CHD5: variants seen among roughly 807,000 people sequenced by gnomAD.
CHD5 encodes ATP-dependent chromatin remodeler CHD5.
CHD5 carries 69 observed loss-of-function variants against 230.3 expected under a neutral mutation model. The observed-to-expected ratio is 0.30, with a 90% CI of 0.25 to 0.37. CHD5 has a LOEUF of 0.37. Among genes scored for constraint, CHD5 ranks in the 10% least tolerant of loss-of-function variants. The pLI, the probability that CHD5 is intolerant of heterozygous loss-of-function variation, is 1.00. For synonymous variants in CHD5, 1,064 were observed against 1,065.9 expected (o/e 1.00, Z 0.03); for missense variants, 1,827 against 2,622.8 (o/e 0.70, Z 6.63).
chr1:6,148,702 A>C, intron 9 of CHD5, 152 bp downstream of exon 9: 1 of 556,984 alleles, frequency 1.8e-6, no homozygotes, highest in Non-Finnish European at 3.0e-6. Context: ...GGTCTCGAGC[A>C]GCGCGGGCGA....
Position 6,125,742 on chromosome 1 carries a change from C to G in CHD5, c.4171+24G>C. On this transcript the variant is annotated intron_variant, in intron 27 of 41. Transcript: ENST00000262450. The surrounding 1 kb of genome is among the most constrained non-coding windows in gnomAD (Gnocchi z 6.7). ...CCCTGACATGGCCTCAGCAGTAGCC[C>G]AGACCACTAACACTGAGACTCACTC... 6.2e-7 allele frequency: 1 copy of G among 1,600,756 alleles called. No homozygotes were observed. Among genetic ancestry groups the G allele is most frequent in the South Asian group, 1.1e-5 (1 of 90,792 alleles).
rs1366086680 is a variant in CHD5, at chr1:6,112,955, C to A, written c.4956G>T (p.Glu1652Asp). The A allele has an allele frequency of 6.2e-7, 1 of 1,613,942 alleles. No homozygotes were observed. Among genetic ancestry groups the A allele is most frequent in the Non-Finnish European group, 8.5e-7 (1 of 1,179,962 alleles). ...PEKEKILDKLELSLIHSRGDS... is the reference protein window; with the variant it reads ...PEKEKILDKLDLSLIHSRGDS... ...CCCCTCTGCTGTGGATCAAGCTCAGCTCCAGCTTGTCCAGGATCTTCTCCT... is the reference window on the plus strand; with the variant it reads ...CCCCTCTGCTGTGGATCAAGCTCAGATCCAGCTTGTCCAGGATCTTCTCCT... The change falls in exon 34 of 42, where the codon GAG becomes GAT. Residue 1652 changes from glutamate (E) to aspartate (D), a missense_variant. By Grantham distance (45) the Glu-to-Asp change is conservative. Around this residue, in one of 14 missense-constraint regions of CHD5, gnomAD observed 272 missense variants for 263.2 expected, o/e 1.03. Transcript: ENST00000262450.
intron 35 of CHD5, 57 bp from the exon 36 acceptor site, chr1:6,111,940 C>A: frequency 6.5e-7 from 1 of 1,535,384 alleles, no homozygotes; most frequent in Non-Finnish European, 9.0e-7. Flanking sequence ...CACGCACAGG[C>A]AGGCTTGGAG....
chr1:6,127,548 C>A (rs1296900301), intron 25 of CHD5, among the ~76,000 whole-genome samples: 1 of 150,928 alleles, frequency 6.6e-6, no homozygotes, highest in African/African-American at 2.4e-5. Flanking sequence ...GGTGCAGGGC[C>A]GAGATGCAGG....
chr1:6,127,303 A>G (rs1352795654), intron 25 of CHD5: 2 of 156,604 alleles, frequency 1.3e-5, no homozygotes, highest in Non-Finnish European at 2.8e-5. Flanking sequence ...CCTGGCCAAC[A>G]TGGCAAAGTC....
rs575897929 is a variant in CHD5, at chr1:6,154,100, C to T, written c.745+560G>A. ...GCCTCCCTGGGAAGCGAGACCTGGC[C>T]GTGCCCAGTCCCTCCAACTCCTGCC... On this transcript the variant is annotated intron_variant, in intron 5 of 41. Transcript: ENST00000262450. This position sits in a 1 kb window ranked among gnomAD's most constrained non-coding sequence, Gnocchi z 7.0. 9.9e-5 allele frequency among the ~76,000 whole-genome samples: 15 copies of T among 152,272 alleles called. No homozygotes were observed. In the East Asian group the frequency reaches 1.7e-3, roughly 18 times the overall value.
At position 6,104,996 on chromosome 1, in the gene CHD5, TC is replaced by T; in HGVS notation, c.*477del. 1 of 201,386 alleles carries T rather than the reference TC, an allele frequency of 5.0e-6. No individual in the cohort carries two copies. The highest frequency in any genetic ancestry group is 1.0e-5 in the Non-Finnish European group (1 of 98,092). 12.5% of individuals were successfully genotyped at this position (201,386 alleles called of 1,614,324 possible). A position where few individuals can be genotyped will look rare whatever the true frequency, so the allele number is the denominator to read the frequency against. ...TCCTAGGGCACCGGGCGCCATGTCC[TC>T]CCCAGCTGGGCTGAGTCCACAGGGC... On this transcript the variant is annotated 3_prime_UTR_variant, in exon 42 of 42. Coordinates refer to ENST00000262450, the MANE Select transcript of CHD5 (RefSeq NM_015557.3).
At chr1:6,159,600 C>A in intron 2 of CHD5, 85 bp from the exon 3 acceptor site, 1 of 1,138,138 alleles carries the variant, frequency 8.8e-7, no homozygotes, top group East Asian at 2.6e-5. Flanking sequence ...TGAGAGCTAC[C>A]TCCTGGCCCA....
intron 1 of CHD5, among the ~76,000 whole-genome samples, chr1:6,174,609 C>A (rs574020134): frequency 5.4e-5 from 6 of 111,274 alleles, no homozygotes; most frequent in South Asian, 3.1e-4. Flanking sequence ...GGTGGATGGA[C>A]GAATGGATGG....
intron 7 of CHD5, 29 bp downstream of exon 7, chr1:6,151,003 C>A: frequency 1.3e-6 from 2 of 1,505,850 alleles, no homozygotes; most frequent in Non-Finnish European, 1.8e-6. Flanking sequence ...ACCCAGCAGG[C>A]CAAGAACTCT....
chr1:6,156,038 C>T (rs1208422782), intron 3 of CHD5, among the ~76,000 whole-genome samples: 1 of 152,218 alleles, frequency 6.6e-6, no homozygotes, highest in East Asian at 1.9e-4. Context: ...GGCAAGGAGA[C>T]TGGATGCCTG....
At position 6,122,633 on chromosome 1, in the gene CHD5, A is replaced by G. The variant is rs1172359999; in HGVS notation, c.4700-1060T>C. Among the ~76,000 whole-genome samples, 8 of 152,224 alleles carry G rather than the reference A, an allele frequency of 5.3e-5. No homozygotes were observed. The East Asian group carries it at 1.5e-3, about 29-fold the overall frequency. On this transcript the variant is annotated intron_variant, in intron 31 of 41. Coordinates refer to ENST00000262450, the MANE Select transcript of CHD5 (RefSeq NM_015557.3). ...CACGGCCCAGCAATTCCATTCCTAG[A>G]TATCTGCCCAAAAGAACTCAAAACG...
chr1:6,141,149 C>A (rs772083214), intron 15 of CHD5, among the ~76,000 whole-genome samples: 6 of 150,592 alleles, frequency 4.0e-5, no homozygotes, highest in Admixed American at 1.3e-4. Flanking sequence ...CTGGGCATTG[C>A]GGCATGTGCC....
At chr1:6,107,431 G>A (rs868689911) in intron 38 of CHD5, among the ~76,000 whole-genome samples, 55 of 126,458 alleles carry the variant, frequency 4.3e-4, no homozygotes, top group South Asian at 1.9e-3. Flanking sequence ...AGGGATGATG[G>A]AGGAATGAAG....
rs1208608080 is a variant in CHD5 at position 6,154,217 on chromosome 1, C to T, written c.745+443G>A. ...AACAACCCTGCACACAGTGGGTATG[C>T]AGACAAGAAGAAGAGACGGGCTCGA... On this transcript the variant is annotated intron_variant, in intron 5 of 41. Transcript: ENST00000262450. This position sits in a 1 kb window ranked among gnomAD's most constrained non-coding sequence, Gnocchi z 7.0. Among the ~76,000 whole-genome samples the T allele has an allele frequency of 6.6e-6, 1 of 152,136 alleles. No individual in the cohort carries two copies. Among genetic ancestry groups the T allele is most frequent in the Non-Finnish European group, 1.5e-5 (1 of 68,022 alleles).
rs202183800 is a variant in CHD5, at chr1:6,123,933, G to A, written c.4699+15C>T. ...ATGACCCCAGTGCCCTCCCCGGCCCGCCCAGCCCACAGACCTGGCAGGCCC... is the reference window on the plus strand; with the variant it reads ...ATGACCCCAGTGCCCTCCCCGGCCCACCCAGCCCACAGACCTGGCAGGCCC... On this transcript the variant is annotated intron_variant, in intron 31 of 41. Coordinates refer to ENST00000262450, the MANE Select transcript of CHD5 (RefSeq NM_015557.3). The A allele has an allele frequency of 4.1e-5, 59 of 1,447,114 alleles. No individual in the cohort carries two copies. Among genetic ancestry groups the A allele is most frequent in the Middle Eastern group, 4.9e-4 (2 of 4,104 alleles). 89.6% of individuals were successfully genotyped at this position (1,447,114 alleles called of 1,614,324 possible).
chr1:6,128,391 C>T lies in CHD5; in HGVS notation c.3730+108G>A. On this transcript the variant is annotated intron_variant, in intron 24 of 41. Transcript: ENST00000262450. This position sits in a 1 kb window ranked among gnomAD's most constrained non-coding sequence, Gnocchi z 7.8. ...TGTAACAGCCCCACTCGCCGCCCAC[C>T]TGGCAGTCCCAGGACGCCCAAGTGA... 8.8e-7 allele frequency: 1 copy of T among 1,135,562 alleles called. No individual in the cohort carries two copies. The allele number at this position is 1,135,562 out of a possible 1,614,324, so 70.3% of individuals were successfully genotyped here.
Position 6,134,113 on chromosome 1 carries a change from G to GCC in CHD5, c.3144+14_3144+15insGG. 7.7e-7 allele frequency: 1 copy of GCC among 1,304,278 alleles called. No homozygotes were observed. The highest frequency in any genetic ancestry group is 1.1e-6 in the Non-Finnish European group (1 of 919,128). The allele number at this position is 1,304,278 out of a possible 1,614,324, so 80.8% of individuals were successfully genotyped here. A position where few individuals can be genotyped will look rare whatever the true frequency, so the allele number is the denominator to read the frequency against. On this transcript the variant is annotated intron_variant, in intron 20 of 41. Coordinates refer to ENST00000262450, the MANE Select transcript of CHD5 (RefSeq NM_015557.3). The surrounding 1 kb of genome is among the most constrained non-coding windows in gnomAD (Gnocchi z 6.3). ...GGGTGTGGAGCCGGGGCGGGGGTGG[G>GCC]CAGGGGCAGCGCACCTGGGAGAAGA...
chr1:6,157,117 T>C (rs1667092479), intron 3 of CHD5, among the ~76,000 whole-genome samples: 1 of 152,228 alleles, frequency 6.6e-6, no homozygotes, highest in African/African-American at 2.4e-5. Context: ...CTTCCTTCCC[T>C]GACACCCCAC....
Sources: allele counts gnomAD v4.1 joint callset (sites outside exome capture counted in the v4.1 genomes callset), GRCh38; gene constraint gnomAD v4.1.1; regional missense constraint gnomAD v4.1.1; non-coding constraint Gnocchi (gnomAD v3.1); transcripts MANE v1.5; gene names NCBI Gene and HGNC (gene_info 2026-07-23, HGNC 2026-07-21).